GTF2E1: variants seen among roughly 807,000 people sequenced by gnomAD.
The protein encoded by GTF2E1 is TFIIE alpha subunit.
In GTF2E1, 14 loss-of-function variants were observed where a neutral mutation model predicts 34.9. The observed-to-expected ratio is 0.40, with a 90% CI of 0.27 to 0.63. The LOEUF (loss-of-function observed/expected upper bound fraction) is 0.63, where lower values mean the gene tolerates loss of function less well. Ranked by LOEUF, GTF2E1 falls within the 20% of genes least tolerant of loss-of-function variation. The probability of loss-of-function intolerance (pLI) is 0.39; values close to 1 mark genes in which losing one functional copy is unlikely to be tolerated. For synonymous variants in GTF2E1, 188 were observed against 192.9 expected, an observed-to-expected ratio of 0.97 and a Z score of 0.21; for missense variants, 469 against 557.7, an observed-to-expected ratio of 0.84 and a Z score of 1.60.
At chr3:120,752,379 G>T (rs1709171389) in intron 2 of GTF2E1, among the ~76,000 whole-genome samples, 1 of 152,134 alleles carries the variant, frequency 6.6e-6, no homozygotes, top group African/African-American at 2.4e-5. Flanking sequence ...GGAGCTCTGG[G>T]TTCTTGGTTT....
intron 2 of GTF2E1, among the ~76,000 whole-genome samples, chr3:120,754,383 T>TG (rs747340085): frequency 3.3e-5 from 5 of 152,188 alleles, no homozygotes; most frequent in Non-Finnish European, 5.9e-5. Flanking sequence ...GAATAGTTTA[T>TG]GATCTCTTGG....
rs1262694338 is a variant in GTF2E1, at chr3:120,776,400, ACTC to A, written c.651-19_651-17del. 6.3e-7 allele frequency: 1 copy of A among 1,594,334 alleles called. No individual in the cohort carries two copies. The highest frequency in any genetic ancestry group is 8.5e-7 in the Non-Finnish European group (1 of 1,172,784). ...AGACATTAATTTTTCTTCTTCCTGTACTCCTCTATTCTTTTTATATAGCAAGGA... is the reference window on the plus strand; with the variant it reads ...AGACATTAATTTTTCTTCTTCCTGTACTCTATTCTTTTTATATAGCAAGGA... On this transcript the variant is annotated intron_variant, in intron 3 of 4. Transcript: ENST00000283875.
At chr3:120,758,164 A>G (rs1709226095) in intron 2 of GTF2E1, among the ~76,000 whole-genome samples, 1 of 152,094 alleles carries the variant, frequency 6.6e-6, no homozygotes, top group African/African-American at 2.4e-5. Context: ...TCAAAAAAAT[A>G]AAATAAGTAA....
intron 2 of GTF2E1, among the ~76,000 whole-genome samples, chr3:120,763,974 C>T (rs1027590266): frequency 2.6e-5 from 4 of 152,182 alleles, no homozygotes; most frequent in Non-Finnish European, 5.9e-5. Flanking sequence ...TATCATTATT[C>T]CCATGTTCAC....
intron 1 of GTF2E1, among the ~76,000 whole-genome samples, chr3:120,745,253 C>T: frequency 6.6e-6 from 1 of 152,172 alleles, no homozygotes; most frequent in Admixed American, 6.5e-5. Flanking sequence ...TGAGAATTTT[C>T]TGAGGTCAGG....
At chr3:120,769,388 T>A (rs1206420006) in intron 2 of GTF2E1, among the ~76,000 whole-genome samples, 5 of 152,126 alleles carry the variant, frequency 3.3e-5, no homozygotes, top group Admixed American at 3.3e-4. Flanking sequence ...GGGGAAACCA[T>A]GAAATGTCGG....
At chr3:120,747,078 G>C (rs1208649972) in intron 1 of GTF2E1, among the ~76,000 whole-genome samples, 2 of 151,784 alleles carry the variant, frequency 1.3e-5, no homozygotes, top group Non-Finnish European at 2.9e-5. Context: ...GAATTTCAAA[G>C]CCCAGTTTTG....
In GTF2E1 at chr3:120,750,782, G is replaced by A. The variant is rs200498969; in HGVS notation, c.230G>A (p.Arg77Lys). 2.9e-5 allele frequency: 47 copies of A among 1,613,840 alleles called. No individual in the cohort carries two copies. The Admixed American group carries it at 6.8e-4, about 23-fold the overall frequency. Reference protein sequence around the residue: ...KGDKFIKCRMRVETAADGKTT... With the variant: ...KGDKFIKCRMKVETAADGKTT... ...GACAAGTTTATCAAATGCAGAATGA[G>A]GGTAGAGACTGCTGCAGACGGGAAA... Residue 77 changes from arginine (R) to lysine (K), a missense_variant, in exon 2 of 5, where the codon AGG becomes AAG. Transcript: ENST00000283875.
chr3:120,778,530 T>C (rs961688457), intron 4 of GTF2E1, among the ~76,000 whole-genome samples: 12 of 152,220 alleles, frequency 7.9e-5, no homozygotes, highest in African/African-American at 2.9e-4. Context: ...TCTGTTTTCC[T>C]TAAACAGTTC....
At chr3:120,747,935 T>C (rs570008174) in intron 1 of GTF2E1, among the ~76,000 whole-genome samples, 2 of 152,268 alleles carry the variant, frequency 1.3e-5, no homozygotes, top group African/African-American at 2.4e-5. Context: ...TTTTAATGAT[T>C]GCCATTCTAA....
chr3:120,742,974 A>G (rs987402188), intron 1 of GTF2E1, 180 bp downstream of exon 1: 2 of 189,366 alleles, frequency 1.1e-5, no homozygotes, highest in Non-Finnish European at 2.3e-5. Flanking sequence ...GACCTCGGGT[A>G]GGGCGGGCTT....
At chr3:120,748,130 G>A (rs1158662784) in intron 1 of GTF2E1, among the ~76,000 whole-genome samples, 13 of 152,064 alleles carry the variant, frequency 8.5e-5, no homozygotes, top group Non-Finnish European at 1.5e-4. Context: ...GTTTGAGTTC[G>A]TTATAGATTC....
chr3:120,763,990 C>T (rs1191292426), intron 2 of GTF2E1, among the ~76,000 whole-genome samples: 1 of 152,200 alleles, frequency 6.6e-6, no homozygotes, highest in Non-Finnish European at 1.5e-5. Context: ...TTCACAGCAG[C>T]CACCTTATTT....
intron 2 of GTF2E1, 77 bp from the exon 3 acceptor site, chr3:120,770,651 G>T (rs1245828034): frequency 1.0e-6 from 1 of 982,594 alleles, no homozygotes; most frequent in Non-Finnish European, 1.6e-6. Context: ...TTAATAATAA[G>T]ATATTGGGGG....
intron 2 of GTF2E1, among the ~76,000 whole-genome samples, chr3:120,762,745 G>C (rs1235398906): frequency 6.6e-6 from 1 of 152,162 alleles, no homozygotes; most frequent in Non-Finnish European, 1.5e-5. Context: ...GTTAGTAACT[G>C]TTACCTTGGG....
intron 3 of GTF2E1, among the ~76,000 whole-genome samples, 194 bp downstream of exon 3, chr3:120,771,123 AAC>A (rs1190881146): frequency 6.6e-6 from 1 of 152,126 alleles, no homozygotes; most frequent in African/African-American, 2.4e-5. Flanking sequence ...CTAAATGCAG[AAC>A]ACTGTGGACT....
chr3:120,777,203 G>T (rs927968797), intron 4 of GTF2E1, among the ~76,000 whole-genome samples: 1 of 152,140 alleles, frequency 6.6e-6, no homozygotes, highest in Non-Finnish European at 1.5e-5. Flanking sequence ...AGGCATAAAG[G>T]GTTAAGAATT....
chr3:120,771,513 A>C (rs1157600334), intron 3 of GTF2E1, among the ~76,000 whole-genome samples: 1 of 152,086 alleles, frequency 6.6e-6, no homozygotes, highest in African/African-American at 2.4e-5. Flanking sequence ...TTCTTTCTTG[A>C]AAAGCATAAA....
At chr3:120,758,019 G>C (rs1709223841) in intron 2 of GTF2E1, among the ~76,000 whole-genome samples, 1 of 152,130 alleles carries the variant, frequency 6.6e-6, no homozygotes, top group African/African-American at 2.4e-5. Flanking sequence ...AAAAAGCCAG[G>C]TGTGGTGGCG....
Sources: allele counts gnomAD v4.1 joint callset (sites outside exome capture counted in the v4.1 genomes callset), GRCh38; gene constraint gnomAD v4.1.1; transcripts MANE v1.5; gene names NCBI Gene and HGNC (gene_info 2026-07-23, HGNC 2026-07-21).